The following PPT2 variants were observed in gnomAD, a reference collection of about 807,000 sequenced individuals.
PPT2 encodes the protein lysosomal thioesterase PPT2.
A neutral mutation model predicts 37.3 loss-of-function variants in PPT2; 20 were observed. The observed-to-expected ratio is 0.54, with a 90% CI of 0.38 to 0.78. The LOEUF is 0.78. Among genes scored for constraint, PPT2 ranks in the 30% least tolerant of loss-of-function variants. The probability of loss-of-function intolerance (pLI) is 0.00; values close to 1 mark genes in which losing one functional copy is unlikely to be tolerated. For missense variants in PPT2, 270 were observed against 389.8 expected (o/e 0.69, Z 2.59); for synonymous variants, 135 against 159.1 (o/e 0.85, Z 1.14).
chr6:32,155,930 T>C lies in PPT2; in HGVS notation c.493T>C (p.Cys165Arg). ...TSMRSNLYRI[C>R]YSPWGQEFSI... is the part of the protein sequence containing the mutation. The stretch of plus-strand genomic sequence containing the variant: ...CATGCGGTCTAACCTCTATCGGATC[T>C]GCTATAGCCCCTGGGGCCAGGAATT... Residue 165 changes from cysteine to arginine, a missense_variant, in exon 5 of 9, where the codon TGC (cysteine) becomes CGC (arginine). Coordinates refer to ENST00000324816, the MANE Select transcript of PPT2 (RefSeq NM_005155.7). This position sits in a 1 kb window ranked among gnomAD's most constrained non-coding sequence, Gnocchi z 4.3. 3.1e-6 allele frequency: 5 copies of C among 1,614,132 alleles called. No homozygotes were observed. Among genetic ancestry groups the C allele is most frequent in the Non-Finnish European group, 4.2e-6 (5 of 1,180,014 alleles).
Position 32,162,785 on chromosome 6 carries a change from C to T in PPT2, c.766-22C>T, listed in dbSNP as rs373064925. On this transcript the variant is annotated intron_variant, in intron 8 of 8. Coordinates refer to ENST00000324816, the MANE Select transcript of PPT2 (RefSeq NM_005155.7). The surrounding 1 kb of genome is among the most constrained non-coding windows in gnomAD (Gnocchi z 5.5). ...CTTGTGTCTCTCTTCCATGCTTCCA[C>T]GCCCCTTCGACCACCTTGAAGGTTT... 25 of 1,611,248 alleles carry T rather than the reference C, an allele frequency of 1.6e-5. No individual in the cohort carries two copies. Among genetic ancestry groups the T allele is most frequent in the Admixed American group, 5.0e-5 (3 of 59,688 alleles).
chr6:32,161,887 T>A (rs1020583767), intron 7 of PPT2, among the ~76,000 whole-genome samples: 3 of 151,334 alleles, frequency 2.0e-5, no homozygotes, highest in African/African-American at 4.9e-5. Flanking sequence ...CCCAGCTAAT[T>A]TTGTATTTTT....
chr6:32,161,127 TTAA>T (rs138454565), intron 7 of PPT2, among the ~76,000 whole-genome samples: 10,323 of 152,182 alleles, frequency 0.068, 414 homozygotes, highest in African/African-American at 0.1. Flanking sequence ...TTTATATACG[TTAA>T]TGTTATATTT....
In PPT2 at chr6:32,156,254, C is replaced by A. The variant is rs28986319; in HGVS notation, c.541+276C>A. Among the ~76,000 whole-genome samples, 1 of 151,966 alleles carries A rather than the reference C, an allele frequency of 6.6e-6. No homozygotes were observed. On this transcript the variant is annotated intron_variant, in intron 5 of 8. Transcript: ENST00000324816. This position sits in a 1 kb window ranked among gnomAD's most constrained non-coding sequence, Gnocchi z 4.9. ...CCTAGTAGCTGGGATTACAGGCAGG[C>A]GCCATCATGCCCGGCTAAGTTTTGT...
chr6:32,153,606 G>A (rs1415521529), upstream of PPT2: 1 of 1,601,340 alleles, frequency 6.2e-7, no homozygotes, highest in African/African-American at 1.3e-5. The surrounding 1 kb of genome is among the most constrained non-coding windows in gnomAD (Gnocchi z 4.4). Context: ...CTGGAGACAA[G>A]GGCACTACAC....
rs762361101 is a variant in PPT2, at chr6:32,154,552, A to G, written c.-8-35A>G. On this transcript the variant is annotated intron_variant, in intron 1 of 8. Transcript: ENST00000324816. This position sits in a 1 kb window ranked among gnomAD's most constrained non-coding sequence, Gnocchi z 7.3. ...TGTTCCGAGGGAGGAGGGTGTTGCCATCTCCCTCACATGCCCTTATCACCC... is the reference window on the plus strand; with the variant it reads ...TGTTCCGAGGGAGGAGGGTGTTGCCGTCTCCCTCACATGCCCTTATCACCC... The G allele has an allele frequency of 3.8e-6, 6 of 1,571,884 alleles. No individual in the cohort carries two copies. The South Asian group carries it at 5.8e-5, about 15-fold the overall frequency.
chr6:32,154,087 C>A (rs983202708), upstream of PPT2: 1 of 1,088,988 alleles, frequency 9.2e-7, no homozygotes, highest in East Asian at 6.2e-5. This position sits in a 1 kb window ranked among gnomAD's most constrained non-coding sequence, Gnocchi z 7.3. Flanking sequence ...GAGAAAGCCC[C>A]GGACGTGACG....
chr6:32,155,300 A>G lies in PPT2; in HGVS notation c.337+117A>G, dbSNP rs989663331. The G allele has an allele frequency of 2.2e-5, 27 of 1,219,984 alleles. No individual in the cohort carries two copies. Among genetic ancestry groups the G allele is most frequent in the Admixed American group, 4.5e-5 (2 of 44,146 alleles). 75.6% of individuals were successfully genotyped at this position (1,219,984 alleles called of 1,614,324 possible). On this transcript the variant is annotated intron_variant, in intron 3 of 8. Transcript: ENST00000324816. This position sits in a 1 kb window ranked among gnomAD's most constrained non-coding sequence, Gnocchi z 4.3. ...ACATTGCTCCAGGCACAACCCTGGT[A>G]CCTGAGCCCTTCCTTTCTGACTTCC...
rs1256213824 is a variant in PPT2, at chr6:32,156,357, C to T, written c.541+379C>T. 5.9e-5 allele frequency among the ~76,000 whole-genome samples: 9 copies of T among 152,200 alleles called. No individual in the cohort carries two copies. Among genetic ancestry groups the T allele is most frequent in the Non-Finnish European group, 8.8e-5 (6 of 68,026 alleles). ...CTGACCTCAGGTGATCCACTCGCCTCGGCCTCCCAAAGTGCTGGGATTACA... is the reference window on the plus strand; with the variant it reads ...CTGACCTCAGGTGATCCACTCGCCTTGGCCTCCCAAAGTGCTGGGATTACA... On this transcript the variant is annotated intron_variant, in intron 5 of 8. Transcript: ENST00000324816. The surrounding 1 kb of genome is among the most constrained non-coding windows in gnomAD (Gnocchi z 4.9).
chr6:32,159,472 A>C (rs3134606), intron 7 of PPT2, among the ~76,000 whole-genome samples: 7,855 of 127,084 alleles, frequency 0.062, 467 homozygotes, highest in Non-Finnish European at 0.11. Flanking sequence ...ATATATATAT[A>C]TCCTCATCCC....
rs761885833 is a variant in PPT2, at chr6:32,163,083, C to T, written c.*133C>T. The T allele has an allele frequency of 7.2e-5, 82 of 1,145,564 alleles. No homozygotes were observed. In the East Asian group the frequency reaches 8.2e-4, roughly 11 times the overall value. The allele number at this position is 1,145,564 out of a possible 1,614,324, so 71.0% of individuals were successfully genotyped here. ...TATTATCCCCCATTTTTAGTAGAGACGGGGTTTTAGTAGAGACTTGGCCTC... is the reference window on the plus strand; with the variant it reads ...TATTATCCCCCATTTTTAGTAGAGATGGGGTTTTAGTAGAGACTTGGCCTC... On this transcript the variant is annotated 3_prime_UTR_variant, in exon 9 of 9. Coordinates refer to ENST00000324816, the MANE Select transcript of PPT2 (RefSeq NM_005155.7).
rs920955070 is a variant in PPT2 at position 32,158,045 on chromosome 6, T to A, written c.710+121T>A. ...TGTTCAGTTAGTGCTCCTCCCCCCA[T>A]TCATCATGTCACCCAAGACCAAAAC... is the stretch of plus-strand genomic sequence containing the variant. On this transcript the variant is annotated intron_variant, in intron 7 of 8. Coordinates refer to ENST00000324816, the MANE Select transcript of PPT2 (RefSeq NM_005155.7). 1.7e-5 allele frequency: 15 copies of A among 863,544 alleles called. No homozygotes were observed. The African/African-American group carries it at 2.5e-4, about 15-fold the overall frequency. 53.5% of individuals were successfully genotyped at this position (863,544 alleles called of 1,614,324 possible). A position where few individuals can be genotyped will look rare whatever the true frequency, so the allele number is the denominator to read the frequency against.
At position 32,155,275 on chromosome 6, in the gene PPT2, A is replaced by G; in HGVS notation, c.337+92A>G. On this transcript the variant is annotated intron_variant, in intron 3 of 8. Coordinates refer to ENST00000324816, the MANE Select transcript of PPT2 (RefSeq NM_005155.7). The surrounding 1 kb of genome is among the most constrained non-coding windows in gnomAD (Gnocchi z 4.3). ...TTCCTAGCGTCCCTTTTTCTGAACC[A>G]CATTGCTCCAGGCACAACCCTGGTA... 2 of 1,445,912 alleles carry G rather than the reference A, an allele frequency of 1.4e-6. No homozygotes were observed. The highest frequency in any genetic ancestry group is 1.9e-6 in the Non-Finnish European group (2 of 1,050,054). 89.6% of individuals were successfully genotyped at this position (1,445,912 alleles called of 1,614,324 possible).
chr6:32,155,849 A>T lies in PPT2; in HGVS notation c.434-22A>T. 1 of 1,611,850 alleles carries T rather than the reference A, an allele frequency of 6.2e-7. No individual in the cohort carries two copies. Among genetic ancestry groups the T allele is most frequent in the Non-Finnish European group, 8.5e-7 (1 of 1,177,968 alleles). On this transcript the variant is annotated intron_variant, in intron 4 of 8. Coordinates refer to ENST00000324816, the MANE Select transcript of PPT2 (RefSeq NM_005155.7). The surrounding 1 kb of genome is among the most constrained non-coding windows in gnomAD (Gnocchi z 4.3). ...GGGGAACAGAGGTTTATGGTCACTTAGCATTGCCATTCGCTTGCCAGACAC... is the reference window on the plus strand; with the variant it reads ...GGGGAACAGAGGTTTATGGTCACTTTGCATTGCCATTCGCTTGCCAGACAC...
Position 32,162,921 on chromosome 6 carries a change from G to A in PPT2, c.880G>A (p.Glu294Lys), listed in dbSNP as rs2127398336. The A allele has an allele frequency of 1.9e-6, 3 of 1,614,124 alleles. No individual in the cohort carries two copies. In the Middle Eastern group the frequency reaches 5.0e-4, roughly 266 times the overall value. ...TAWHSNRTLY[E>K]TCIEPWLS ...CTGGCACTCCAACCGTACCCTTTAT[G>A]AGACCTGCATTGAACCTTGGCTCTC... The change falls in exon 9 of 9, where the codon GAG (glutamate) becomes AAG (lysine). Residue 294 changes from glutamate to lysine, a missense_variant. Transcript: ENST00000324816. The surrounding 1 kb of genome is among the most constrained non-coding windows in gnomAD (Gnocchi z 5.5).
At chr6:32,159,875 C>T (rs2127393889) in intron 7 of PPT2, among the ~76,000 whole-genome samples, 1 of 151,998 alleles carries the variant, frequency 6.6e-6, no homozygotes, top group Middle Eastern at 3.4e-3. Context: ...TGCCCACCAC[C>T]ATGCCTGGCT....
rs1400296153 is a variant in PPT2 at position 32,154,565 on chromosome 6, G to A, written c.-8-22G>A. 6.3e-7 allele frequency: 1 copy of A among 1,593,952 alleles called. No individual in the cohort carries two copies. The highest frequency in any genetic ancestry group is 8.6e-7 in the Non-Finnish European group (1 of 1,167,866). The stretch of plus-strand genomic sequence containing the variant: ...GAGGGTGTTGCCATCTCCCTCACAT[G>A]CCCTTATCACCCCTTTCTCAGGCGG... On this transcript the variant is annotated intron_variant, in intron 1 of 8. Coordinates refer to ENST00000324816, the MANE Select transcript of PPT2 (RefSeq NM_005155.7). This position sits in a 1 kb window ranked among gnomAD's most constrained non-coding sequence, Gnocchi z 7.3.
At position 32,156,009 on chromosome 6, in the gene PPT2, T is replaced by C. The variant is rs1037686721; in HGVS notation, c.541+31T>C. The C allele has an allele frequency of 2.0e-6, 3 of 1,534,210 alleles. No individual in the cohort carries two copies. Among genetic ancestry groups the C allele is most frequent in the African/African-American group, 1.4e-5 (1 of 73,190 alleles). On this transcript the variant is annotated intron_variant, in intron 5 of 8. Transcript: ENST00000324816. The surrounding 1 kb of genome is among the most constrained non-coding windows in gnomAD (Gnocchi z 4.9). ...TGGGGATGCTGAACTGGGGCTTCCA[T>C]GGATCAGGTCAGTTGCTTCCACCTC...
Position 32,155,006 on chromosome 6 carries a change from G to A in PPT2, c.184-24G>A, listed in dbSNP as rs1256674109. Reference sequence around the variant, plus strand: ...GGGAGCTTCTTAGCCTATCCCCGGTGGCTGCATTGCCCCCTTCCCACAGAC... The same window carrying A: ...GGGAGCTTCTTAGCCTATCCCCGGTAGCTGCATTGCCCCCTTCCCACAGAC... On this transcript the variant is annotated intron_variant, in intron 2 of 8. Coordinates refer to ENST00000324816, the MANE Select transcript of PPT2 (RefSeq NM_005155.7). The surrounding 1 kb of genome is among the most constrained non-coding windows in gnomAD (Gnocchi z 4.3). 2 of 1,611,776 alleles carry A rather than the reference G, an allele frequency of 1.2e-6. No individual in the cohort carries two copies. Among genetic ancestry groups the A allele is most frequent in the Non-Finnish European group, 1.7e-6 (2 of 1,179,870 alleles).
Sources: gnomAD v4.1 joint callset for allele counts (sites outside exome capture counted in the v4.1 genomes callset) on GRCh38, gnomAD v4.1.1 for gene constraint, Gnocchi (gnomAD v3.1) non-coding constraint, MANE v1.5 for transcripts, NCBI Gene and HGNC (gene_info 2026-07-23, HGNC 2026-07-21) for gene names.